The following ZBTB20 variants were observed in gnomAD, a reference collection of about 807,000 sequenced individuals.
The protein encoded by ZBTB20 is zinc finger and BTB domain-containing protein 20.
Under a neutral mutation model 56.9 loss-of-function variants are expected in ZBTB20, and 9 were observed. The ratio of observed to expected loss-of-function variants is 0.16; its 90% confidence interval spans 0.10 to 0.28. The LOEUF (loss-of-function observed/expected upper bound fraction) is 0.28, where lower values mean the gene tolerates loss of function less well. ZBTB20 is among the 10% of genes least tolerant of loss of function. ZBTB20 has a pLI of 1.00. For synonymous variants in ZBTB20, 417 were observed against 420.7 expected (o/e 0.99, Z 0.11); for missense variants, 655 against 1,003.0 (o/e 0.65, Z 4.69).
intron 6 of ZBTB20, among the ~76,000 whole-genome samples, chr3:114,553,322 G>GA (rs1169616745): frequency 2.0e-5 from 3 of 152,206 alleles, no homozygotes; most frequent in South Asian, 2.1e-4. Flanking sequence ...CAATTTTGTA[G>GA]AAAAAATATA....
At chr3:115,070,989 GA>G (rs144121591) in intron 2 of ZBTB20, among the ~76,000 whole-genome samples, 8 of 140,574 alleles carry the variant, frequency 5.7e-5, no homozygotes, top group South Asian at 4.5e-4. Flanking sequence ...ATCCTTTTCT[GA>G]AAAAAAAAAG....
At chr3:114,560,945 G>A (rs951471993) in intron 6 of ZBTB20, among the ~76,000 whole-genome samples, 33 of 152,246 alleles carry the variant, frequency 2.2e-4, no homozygotes, top group African/African-American at 7.0e-4. Context: ...CTCTGCCATC[G>A]CATTATCAAA....
At chr3:114,751,402 C>A (rs2067546493) in intron 5 of ZBTB20, among the ~76,000 whole-genome samples, 1 of 152,156 alleles carries the variant, frequency 6.6e-6, no homozygotes, top group South Asian at 2.1e-4. Context: ...ATCACTTAAA[C>A]TTCCACGTAA....
At chr3:114,917,149 C>T (rs2075776420) in intron 3 of ZBTB20, among the ~76,000 whole-genome samples, 1 of 152,092 alleles carries the variant, frequency 6.6e-6, no homozygotes, top group African/African-American at 2.4e-5. Context: ...TCAATTCTCC[C>T]GTTAAGAGGC....
chr3:114,711,047 T>C (rs1467049885), intron 5 of ZBTB20, among the ~76,000 whole-genome samples: 1 of 152,210 alleles, frequency 6.6e-6, no homozygotes, highest in African/African-American at 2.4e-5. Context: ...CTTCTAATAA[T>C]TTAAATATTT....
intron 2 of ZBTB20, 79 bp downstream of exon 2, chr3:115,071,140 G>A (rs898240501): frequency 6.6e-6 from 1 of 152,110 alleles, no homozygotes; most frequent in Non-Finnish European, 1.5e-5. Flanking sequence ...ATTTTGGACA[G>A]AGAATTTCAG....
At chr3:115,068,343 A>G (rs778889515) in intron 2 of ZBTB20, among the ~76,000 whole-genome samples, 4 of 152,104 alleles carry the variant, frequency 2.6e-5, no homozygotes, top group Non-Finnish European at 5.9e-5. Context: ...TGAAATTTAA[A>G]TCAACCAACT....
At position 115,001,709 on chromosome 3, in the gene ZBTB20, T is replaced by C. The variant is rs141906986; in HGVS notation, c.-506-27293A>G. On this transcript the variant is annotated intron_variant, in intron 2 of 11. Transcript: ENST00000675478. ...AACAAAATATGTATAAGATCTATTA[T>C]GAAGAAAACTACAAAACTCTGATCA... Among the ~76,000 whole-genome samples, 595 of 151,496 alleles carry C rather than the reference T, an allele frequency of 3.9e-3. 2 individuals carry two copies. Among genetic ancestry groups the C allele is most frequent in the Admixed American group, 0.011 (161 of 15,132 alleles).
intron 7 of ZBTB20, among the ~76,000 whole-genome samples, chr3:114,488,210 C>T (rs1020422147): frequency 3.3e-5 from 5 of 152,282 alleles, no homozygotes; most frequent in East Asian, 1.9e-4. Context: ...GTAGGTGTTG[C>T]CATCAGAGCA....
intron 5 of ZBTB20, among the ~76,000 whole-genome samples, chr3:114,720,387 G>A (rs1372682434): frequency 6.6e-6 from 1 of 151,858 alleles, no homozygotes; most frequent in Non-Finnish European, 1.5e-5. Flanking sequence ...AAAGTAAAAA[G>A]GGTGGGTTCT....
At chr3:115,038,435 T>A (rs976832175) in intron 2 of ZBTB20, among the ~76,000 whole-genome samples, 1 of 152,144 alleles carries the variant, frequency 6.6e-6, no homozygotes, top group Non-Finnish European at 1.5e-5. Context: ...CTAGAAAGCA[T>A]AAATATCACA....
rs766925940 is a variant in ZBTB20, at chr3:114,316,508, C to CTA, written c.*22495_*22496dup. 1 of 529,188 alleles carries CTA rather than the reference C, an allele frequency of 1.9e-6. No individual in the cohort carries two copies. Among genetic ancestry groups the CTA allele is most frequent in the East Asian group, 5.6e-5 (1 of 17,962 alleles). The allele number at this position is 529,188 out of a possible 1,614,324, so 32.8% of individuals were successfully genotyped here. On this transcript the variant is annotated 3_prime_UTR_variant, in exon 12 of 12. Transcript: ENST00000675478. ...CACCTATACATGTATAATATATACA[C>CTA]TATATATATGTGGATACATATAGGA...
At chr3:114,532,665 G>T (rs2047992479) in intron 6 of ZBTB20, among the ~76,000 whole-genome samples, 3 of 152,116 alleles carry the variant, frequency 2.0e-5, no homozygotes, top group Non-Finnish European at 4.4e-5. Flanking sequence ...TCCTCAAGTG[G>T]GTCCCTGACC....
At position 114,416,326 on chromosome 3, in the gene ZBTB20, TAAAA is replaced by T. The variant is rs35964942; in HGVS notation, c.-254-27225_-254-27222del. ...ATAATTTCAATTCCTTAGCAATACT[TAAAA>T]AAAAAAAAAAAAACAACTAACTAAA... is the stretch of plus-strand genomic sequence containing the variant. On this transcript the variant is annotated intron_variant, in intron 7 of 11. Transcript: ENST00000675478. Among the ~76,000 whole-genome samples the T allele has an allele frequency of 4.0e-3, 579 of 145,430 alleles. 2 individuals are homozygous for T. Among genetic ancestry groups the T allele is most frequent in the African/African-American group, 8.8e-3 (347 of 39,342 alleles).
At chr3:114,406,052 A>G (rs139892084) in intron 7 of ZBTB20, among the ~76,000 whole-genome samples, 1 of 152,198 alleles carries the variant, frequency 6.6e-6, no homozygotes, top group African/African-American at 2.4e-5. Context: ...CACTGGGTAA[A>G]TGTTATTTTT....
intron 7 of ZBTB20, among the ~76,000 whole-genome samples, chr3:114,402,985 A>G (rs1020229626): frequency 1.3e-5 from 2 of 152,152 alleles, no homozygotes; most frequent in Non-Finnish European, 2.9e-5. Context: ...GGCCAGACAC[A>G]TTTAAAATGT....
rs982970500 is a variant in ZBTB20 at position 114,948,616 on chromosome 3, C to T, written c.-456+25750G>A. On this transcript the variant is annotated intron_variant, in intron 3 of 11. Transcript: ENST00000675478. ...CTCTCTCTCTCCTCTCTCTTTCTGA[C>T]TCTCTCTCTCTCTCTGTGTCATAGA... 4.3e-5 allele frequency among the ~76,000 whole-genome samples: 6 copies of T among 140,394 alleles called. 2 individuals are homozygous for T. Among genetic ancestry groups the T allele is most frequent in the African/African-American group, 1.7e-4 (6 of 34,412 alleles). 92.1% of individuals were successfully genotyped at this position (140,394 alleles called of 152,430 possible).
chr3:114,598,330 A>G (rs1433956489), intron 6 of ZBTB20, among the ~76,000 whole-genome samples: 2 of 152,026 alleles, frequency 1.3e-5, no homozygotes, highest in Non-Finnish European at 2.9e-5. Flanking sequence ...TATAAGTAAT[A>G]GTGTTCACCA....
At chr3:114,518,113 C>T (rs2046227862) in intron 6 of ZBTB20, among the ~76,000 whole-genome samples, 1 of 152,152 alleles carries the variant, frequency 6.6e-6, no homozygotes, top group South Asian at 2.1e-4. Context: ...AAGGGGCCTT[C>T]CTTGAAGATG....
Sources: gnomAD v4.1 joint callset for allele counts (sites outside exome capture counted in the v4.1 genomes callset) on GRCh38, gnomAD v4.1.1 for gene constraint, MANE v1.5 for transcripts, NCBI Gene and HGNC (gene_info 2026-07-23, HGNC 2026-07-21) for gene names.